Variants in NFIX observed in about 807,000 individuals in gnomAD.
NFIX encodes the protein nuclear factor 1 X-type.
Under a neutral mutation model 53.3 loss-of-function variants are expected in NFIX, and 2 were observed. That is an observed-to-expected ratio of 0.04 (90% CI 0.02 to 0.12). The LOEUF is 0.12. Ranked by LOEUF, NFIX falls within the 10% of genes least tolerant of loss-of-function variation. The pLI is 1.00. For missense variants in NFIX, 310 were observed against 674.5 expected (o/e 0.46, Z 5.99); for synonymous variants, 244 against 289.0 (o/e 0.84, Z 1.58).
rs995415983 is a variant in NFIX at position 13,036,332 on chromosome 19, G to A, written c.559+10780G>A. On this transcript the variant is annotated intron_variant, in intron 2 of 10. Transcript: ENST00000592199. The surrounding 1 kb of genome is among the most constrained non-coding windows in gnomAD (Gnocchi z 4.7). ...TATTTCATCATAATTGTTTGTTTTG[G>A]GTTTAACAATACAGCAGGGAGAAGA... is the stretch of plus-strand genomic sequence containing the variant. 2.0e-5 allele frequency among the ~76,000 whole-genome samples: 3 copies of A among 152,176 alleles called. No individual in the cohort carries two copies. The highest frequency in any genetic ancestry group is 4.4e-5 in the Non-Finnish European group (3 of 68,026).
chr19:13,069,107 ACT>A (rs2016608040), intron 2 of NFIX, among the ~76,000 whole-genome samples: 1 of 152,106 alleles, frequency 6.6e-6, no homozygotes. Context: ...ATGGAGGGAA[ACT>A]CTGAGTTGGT....
chr19:12,995,754 G>C lies in NFIX; in HGVS notation c.-84G>C, dbSNP rs1038021401. 8 of 461,596 alleles carry C rather than the reference G, an allele frequency of 1.7e-5. No individual in the cohort carries two copies. The highest frequency in any genetic ancestry group is 2.2e-5 in the Non-Finnish European group (8 of 355,784). The allele number at this position is 461,596 out of a possible 1,614,324, so 28.6% of individuals were successfully genotyped here. A position where few individuals can be genotyped will look rare whatever the true frequency, so the allele number is the denominator to read the frequency against. On this transcript the variant is annotated 5_prime_UTR_variant, in exon 1 of 11. Transcript: ENST00000592199. ...GGCGGAGGCCGGAGGAGCCGAGCCGGAGCCCGAGCCCGAGCGCGGCCGCCG... is the reference window on the plus strand; with the variant it reads ...GGCGGAGGCCGGAGGAGCCGAGCCGCAGCCCGAGCCCGAGCGCGGCCGCCG...
In NFIX at chr19:13,007,584, C is replaced by A. The variant is rs371646438; in HGVS notation, c.27+11720C>A. The stretch of plus-strand genomic sequence containing the variant: ...ACCTCTCCCTTTCCCTAAGTTCCCC[C>A]CAAGGTTCCAAGATTCCTGCTTCCA... On this transcript the variant is annotated intron_variant, in intron 1 of 10. Coordinates refer to ENST00000592199, the MANE Select transcript of NFIX (RefSeq NM_001365902.3). Among the ~76,000 whole-genome samples the A allele has an allele frequency of 1.6e-4, 25 of 152,286 alleles. No homozygotes were observed. In the South Asian group the frequency reaches 5.2e-3, roughly 32 times the overall value.
At chr19:13,004,991 AT>A (rs2011939038) in intron 1 of NFIX, among the ~76,000 whole-genome samples, 1 of 151,934 alleles carries the variant, frequency 6.6e-6, no homozygotes, top group South Asian at 2.1e-4. Flanking sequence ...TAATTTTTGT[AT>A]TTTTAGTAGA....
At position 13,009,843 on chromosome 19, in the gene NFIX, G is replaced by T. The variant is rs537740452; in HGVS notation, c.27+13979G>T. 6.6e-6 allele frequency among the ~76,000 whole-genome samples: 1 copy of T among 152,338 alleles called. No individual in the cohort carries two copies. Among genetic ancestry groups the T allele is most frequent in the South Asian group, 2.1e-4 (1 of 4,828 alleles). On this transcript the variant is annotated intron_variant, in intron 1 of 10. Transcript: ENST00000592199. The surrounding 1 kb of genome is among the most constrained non-coding windows in gnomAD (Gnocchi z 4.7). ...CCATGTGGACGGCTGGAGTTGGTCC[G>T]CAGTGGTGGCAGCTTGTGGTCCTTT...
chr19:13,034,454 G>C (rs974450594), intron 2 of NFIX, among the ~76,000 whole-genome samples: 2 of 152,162 alleles, frequency 1.3e-5, no homozygotes, highest in African/African-American at 4.8e-5. Flanking sequence ...GCTGCAGCCA[G>C]CTCTGCTTCT....
rs990559881 is a variant in NFIX, at chr19:13,089,547, C to A, written c.1403-752C>A. 4.6e-5 allele frequency among the ~76,000 whole-genome samples: 7 copies of A among 152,232 alleles called. No individual in the cohort carries two copies. Among genetic ancestry groups the A allele is most frequent in the Non-Finnish European group, 8.8e-5 (6 of 68,028 alleles). On this transcript the variant is annotated intron_variant, in intron 9 of 10. Coordinates refer to ENST00000592199, the MANE Select transcript of NFIX (RefSeq NM_001365902.3). This position sits in a 1 kb window ranked among gnomAD's most constrained non-coding sequence, Gnocchi z 4.8. ...GTCCTGGAACCACAGGCCTGTTGGA[C>A]CTGGTGCATCAGTCAGAGGAGGAGA...
rs1370364203 is a variant in NFIX, at chr19:13,037,897, C to T, written c.559+12345C>T. ...AACAAAGAATCATCTCGCCCCCAAA[C>T]GTCACAAGTGCGGAGGTGGAGAAAC... On this transcript the variant is annotated intron_variant, in intron 2 of 10. Coordinates refer to ENST00000592199, the MANE Select transcript of NFIX (RefSeq NM_001365902.3). This position sits in a 1 kb window ranked among gnomAD's most constrained non-coding sequence, Gnocchi z 4.2. Among the ~76,000 whole-genome samples the T allele has an allele frequency of 1.3e-5, 2 of 152,124 alleles. No homozygotes were observed. Among genetic ancestry groups the T allele is most frequent in the Admixed American group, 6.5e-5 (1 of 15,278 alleles).
rs2013525424 is a variant in NFIX at position 13,028,243 on chromosome 19, T to C, written c.559+2691T>C. ...AGCAGAGCTGCCACTTGCTCCTTCC[T>C]TCCAGGATGATAAACTGGGGACAGG... On this transcript the variant is annotated intron_variant, in intron 2 of 10. Coordinates refer to ENST00000592199, the MANE Select transcript of NFIX (RefSeq NM_001365902.3). The surrounding 1 kb of genome is among the most constrained non-coding windows in gnomAD (Gnocchi z 4.2). 6.6e-6 allele frequency among the ~76,000 whole-genome samples: 1 copy of C among 152,248 alleles called. No individual in the cohort carries two copies. The highest frequency in any genetic ancestry group is 2.1e-4 in the South Asian group (1 of 4,834).
chr19:13,046,426 G>A (rs547706824), intron 2 of NFIX, among the ~76,000 whole-genome samples: 3 of 152,082 alleles, frequency 2.0e-5, no homozygotes, highest in South Asian at 4.2e-4. Flanking sequence ...TGAATTCTGC[G>A]TTTCACACCG....
chr19:12,999,691 G>C lies in NFIX; in HGVS notation c.27+3827G>C, dbSNP rs977476414. 2.0e-5 allele frequency among the ~76,000 whole-genome samples: 3 copies of C among 152,200 alleles called. No individual in the cohort carries two copies. In the East Asian group the frequency reaches 5.8e-4, roughly 29 times the overall value. ...GCCATACAAGCAGCCGAACGTTCCT[G>C]TACTTCTGTATCTGCATAGCTCCCC... On this transcript the variant is annotated intron_variant, in intron 1 of 10. Transcript: ENST00000592199.
intron 1 of NFIX, among the ~76,000 whole-genome samples, chr19:13,004,659 C>T (rs929082270): frequency 6.6e-5 from 10 of 152,070 alleles, no homozygotes; most frequent in African/African-American, 2.4e-4. Flanking sequence ...AATCCCTGCC[C>T]TGGTTTGTAG....
chr19:13,025,638 G>A lies in NFIX; in HGVS notation c.559+86G>A, dbSNP rs1048099296. ...TTTATTGTTCCTCTAATTTCCAAGC[G>A]ATAACTCGCCATGGGCCTAACTGGT... On this transcript the variant is annotated intron_variant, in intron 2 of 10. Coordinates refer to ENST00000592199, the MANE Select transcript of NFIX (RefSeq NM_001365902.3). The surrounding 1 kb of genome is among the most constrained non-coding windows in gnomAD (Gnocchi z 7.5). The A allele has an allele frequency of 3.9e-5, 57 of 1,476,960 alleles. No individual in the cohort carries two copies. The highest frequency in any genetic ancestry group is 5.0e-5 in the Non-Finnish European group (55 of 1,094,966). 91.5% of individuals were successfully genotyped at this position (1,476,960 alleles called of 1,614,324 possible). A position where few individuals can be genotyped will look rare whatever the true frequency, so the allele number is the denominator to read the frequency against.
Position 13,093,094 on chromosome 19 carries a change from G to A in NFIX, c.1495-1541G>A, listed in dbSNP as rs1335535227. Among the ~76,000 whole-genome samples, 1 of 152,358 alleles carries A rather than the reference G, an allele frequency of 6.6e-6. No homozygotes were observed. On this transcript the variant is annotated intron_variant, in intron 10 of 10. Coordinates refer to ENST00000592199, the MANE Select transcript of NFIX (RefSeq NM_001365902.3). The surrounding 1 kb of genome is among the most constrained non-coding windows in gnomAD (Gnocchi z 4.7). ...GTCCATTGTGGTAGCCACGGGCCAC[G>A]TGTGGCTGTTTACATTTAAATTATT...
chr19:13,081,533 C>T lies in NFIX; in HGVS notation c.1079-147C>T, dbSNP rs1019885298. ...ATCCTGATGACTGACTTTTTTGTGC[C>T]GCCTTAACTTTTGTGCCTGTGGCGG... On this transcript the variant is annotated intron_variant, in intron 7 of 10. Transcript: ENST00000592199. This position sits in a 1 kb window ranked among gnomAD's most constrained non-coding sequence, Gnocchi z 4.7. 8 of 614,490 alleles carry T rather than the reference C, an allele frequency of 1.3e-5. No homozygotes were observed. Among genetic ancestry groups the T allele is most frequent in the Non-Finnish European group, 2.1e-5 (8 of 372,144 alleles). 38.1% of individuals were successfully genotyped at this position (614,490 alleles called of 1,614,324 possible).
intron 5 of NFIX, among the ~76,000 whole-genome samples, chr19:13,074,968 G>A (rs1256196539): frequency 1.3e-5 from 2 of 148,578 alleles, no homozygotes; most frequent in Admixed American, 6.9e-5. Context: ...TACTTGGGAG[G>A]CTGAGGCAGG....
At chr19:12,999,931 T>C (rs1398434582) in intron 1 of NFIX, among the ~76,000 whole-genome samples, 1 of 152,190 alleles carries the variant, frequency 6.6e-6, no homozygotes, top group African/African-American at 2.4e-5. Context: ...GTGGGAGGTG[T>C]GCCCAGGTGT....
In NFIX at chr19:13,051,120, C is replaced by G. The variant is rs1568294086; in HGVS notation, c.560-21927C>G. ...AGCAGGGGAGCCACGGAGTAGCTGCCCCATGGCTTGGGTACTGTGCTGCAG... is the reference window on the plus strand; with the variant it reads ...AGCAGGGGAGCCACGGAGTAGCTGCGCCATGGCTTGGGTACTGTGCTGCAG... On this transcript the variant is annotated intron_variant, in intron 2 of 10. Transcript: ENST00000592199. This position sits in a 1 kb window ranked among gnomAD's most constrained non-coding sequence, Gnocchi z 5.1. Among the ~76,000 whole-genome samples, 2 of 152,168 alleles carry G rather than the reference C, an allele frequency of 1.3e-5. No homozygotes were observed. Among genetic ancestry groups the G allele is most frequent in the Non-Finnish European group, 2.9e-5 (2 of 68,020 alleles).
chr19:13,050,159 G>C (rs1422198703), intron 2 of NFIX, among the ~76,000 whole-genome samples: 2 of 152,228 alleles, frequency 1.3e-5, no homozygotes, highest in African/African-American at 2.4e-5. Context: ...TGGGCACCCA[G>C]GGTCTCTCTG....
Sources: gnomAD v4.1 joint callset for allele counts (sites outside exome capture counted in the v4.1 genomes callset) on GRCh38, gnomAD v4.1.1 for gene constraint, Gnocchi (gnomAD v3.1) non-coding constraint, MANE v1.5 for transcripts, NCBI Gene and HGNC (gene_info 2026-07-23, HGNC 2026-07-21) for gene names.